Variants in SOX6 observed in about 807,000 individuals in gnomAD.
The protein encoded by SOX6 is SRY-box transcription factor 6, also known as transcription factor SOX-6.
A neutral mutation model predicts 97.8 loss-of-function variants in SOX6; 11 were observed. The observed-to-expected ratio is 0.11, with a 90% confidence interval of 0.07 to 0.19. The LOEUF is 0.19. SOX6 is among the 10% of genes least tolerant of loss of function. The probability of loss-of-function intolerance (pLI) is 1.00; values close to 1 mark genes in which losing one functional copy is unlikely to be tolerated. For synonymous variants in SOX6, 360 were observed against 371.4 expected, an observed-to-expected ratio of 0.97 and a Z score of 0.35; for missense variants, 810 against 1,039.5, an observed-to-expected ratio of 0.78 and a Z score of 3.04.
intron 15 of SOX6, among the ~76,000 whole-genome samples, chr11:15,978,393 A>T (rs1381025813): frequency 6.6e-6 from 1 of 151,896 alleles, no homozygotes; most frequent in Non-Finnish European, 1.5e-5. Flanking sequence ...CTTGGTCCTC[A>T]TGTTACCCAG....
At chr11:16,738,089 T>C (rs1848407997) in intron 1 of SOX6, among the ~76,000 whole-genome samples, 1 of 151,788 alleles carries the variant, frequency 6.6e-6, no homozygotes, top group South Asian at 2.1e-4. Context: ...CAACCGCCAA[T>C]TAGCCAACAT....
At chr11:16,732,358 A>G (rs762852480) in intron 2 of SOX6, among the ~76,000 whole-genome samples, 6 of 152,230 alleles carry the variant, frequency 3.9e-5, no homozygotes, top group Non-Finnish European at 7.3e-5. Flanking sequence ...TACAGTAACC[A>G]AAACAGCATG....
chr11:16,103,529 G>A (rs1185479471), intron 7 of SOX6, among the ~76,000 whole-genome samples: 2 of 151,854 alleles, frequency 1.3e-5, no homozygotes, highest in Non-Finnish European at 2.9e-5. Flanking sequence ...TATCTACCCA[G>A]AGGAAAAGAA....
intron 4 of SOX6, among the ~76,000 whole-genome samples, chr11:16,565,056 C>T (rs59872066): frequency 0.15 from 22,235 of 151,760 alleles, 1,783 homozygotes; most frequent in African/African-American, 0.22. Flanking sequence ...TTGGCAAGCC[C>T]CTATCAAGAC....
At chr11:16,423,019 A>G (rs1859049890) in intron 1 of SOX6, among the ~76,000 whole-genome samples, 1 of 152,086 alleles carries the variant, frequency 6.6e-6, no homozygotes. Flanking sequence ...TGCTTCTCCA[A>G]TCCTCCAGTG....
intron 6 of SOX6, among the ~76,000 whole-genome samples, chr11:16,159,365 C>T (rs1478651975): frequency 6.6e-6 from 1 of 152,028 alleles, no homozygotes; most frequent in Non-Finnish European, 1.5e-5. Flanking sequence ...TTTCTACCTA[C>T]CTTATTTCTC....
intron 15 of SOX6, among the ~76,000 whole-genome samples, chr11:15,980,053 G>GA (rs1168510246): frequency 3.3e-5 from 5 of 152,088 alleles, no homozygotes; most frequent in Admixed American, 2.0e-4. Flanking sequence ...GAATGAATGA[G>GA]AAAAAACAAA....
chr11:16,721,155 T>G (rs760863008), intron 2 of SOX6, among the ~76,000 whole-genome samples: 1 of 152,138 alleles, frequency 6.6e-6, no homozygotes, highest in Non-Finnish European at 1.5e-5. Flanking sequence ...CAAGGACGCT[T>G]GATTAAACTT....
At chr11:16,364,546 C>T (rs1857299144) in intron 1 of SOX6, among the ~76,000 whole-genome samples, 1 of 152,090 alleles carries the variant, frequency 6.6e-6, no homozygotes, top group Admixed American at 6.6e-5. Flanking sequence ...TGGGCAAAAT[C>T]ACTTATCTTC....
intron 6 of SOX6, among the ~76,000 whole-genome samples, chr11:16,136,720 G>A (rs1849976195): frequency 6.6e-6 from 1 of 152,122 alleles, no homozygotes; most frequent in Non-Finnish European, 1.5e-5. Context: ...ATCGGTGTAA[G>A]CCACCAAACC....
intron 3 of SOX6, among the ~76,000 whole-genome samples, chr11:16,285,230 T>C (rs974818774): frequency 6.6e-6 from 1 of 152,098 alleles, no homozygotes; most frequent in Non-Finnish European, 1.5e-5. Flanking sequence ...ACTGATAGAA[T>C]AATTGTAAAA....
chr11:16,325,097 T>C (rs999663185), intron 2 of SOX6, among the ~76,000 whole-genome samples: 2 of 152,244 alleles, frequency 1.3e-5, no homozygotes, highest in Non-Finnish European at 2.9e-5. Flanking sequence ...CAACAGATAA[T>C]TTTATTTCCT....
intron 1 of SOX6, among the ~76,000 whole-genome samples, chr11:16,392,583 GATTAAAATTCTT>G (rs1266469143): frequency 1.3e-5 from 2 of 152,004 alleles, no homozygotes; most frequent in African/African-American, 4.8e-5. Flanking sequence ...TCCAAATGCA[GATTAAAATTCTT>G]ATTTTCCAGA....
intron 4 of SOX6, among the ~76,000 whole-genome samples, chr11:16,492,330 C>T (rs892691437): frequency 6.6e-6 from 1 of 152,154 alleles, no homozygotes; most frequent in Non-Finnish European, 1.5e-5. Flanking sequence ...CCCATGCAAG[C>T]GCAGACTGGC....
chr11:16,109,090 T>C (rs1408083614), intron 7 of SOX6, among the ~76,000 whole-genome samples: 1 of 152,226 alleles, frequency 6.6e-6, no homozygotes, highest in East Asian at 1.9e-4. Context: ...GTTCATCTTG[T>C]TGTTTAGGGA....
intron 9 of SOX6, among the ~76,000 whole-genome samples, chr11:16,091,931 C>CA (rs1297069182): frequency 6.6e-6 from 1 of 151,968 alleles, no homozygotes; most frequent in Non-Finnish European, 1.5e-5. Context: ...AAATGCTAGA[C>CA]AAAAATCATT....
Position 16,425,144 on chromosome 11 carries a change from T to C in SOX6, c.-5+51171A>G, listed in dbSNP as rs563085146. The stretch of plus-strand genomic sequence containing the variant: ...TTCTTTCTGAATGCTAGTTCCCCTT[T>C]AGCATTTCTTTTTCTTCATTCCCTT... On this transcript the variant is annotated intron_variant, in intron 1 of 15. Transcript: ENST00000396356. 1.3e-4 allele frequency among the ~76,000 whole-genome samples: 20 copies of C among 152,376 alleles called. No homozygotes were observed. In the East Asian group the frequency reaches 2.9e-3, roughly 22 times the overall value.
At chr11:16,145,969 A>T (rs540797703) in intron 6 of SOX6, among the ~76,000 whole-genome samples, 88 of 152,292 alleles carry the variant, frequency 5.8e-4, no homozygotes, top group Middle Eastern at 3.4e-3. Flanking sequence ...TCAAGCTACC[A>T]ATGCCTTTCT....
At chr11:16,460,615 A>C (rs984883381) in intron 1 of SOX6, among the ~76,000 whole-genome samples, 2 of 152,080 alleles carry the variant, frequency 1.3e-5, no homozygotes, top group Non-Finnish European at 2.9e-5. Context: ...GAAAAGGACA[A>C]GTAGAAGAGA....
Sources: gnomAD v4.1 joint callset for allele counts (sites outside exome capture counted in the v4.1 genomes callset) on GRCh38, gnomAD v4.1.1 for gene constraint, MANE v1.5 for transcripts, NCBI Gene and HGNC (gene_info 2026-07-23, HGNC 2026-07-21) for gene names.